The following GTF2I variants were observed in gnomAD, a reference collection of about 807,000 sequenced individuals.
The protein encoded by GTF2I is general transcription factor II-I.
GTF2I carries 12 observed loss-of-function variants against 67.6 expected under a neutral mutation model. The ratio of observed to expected loss-of-function variants is 0.18; its 90% CI spans 0.11 to 0.29. GTF2I has a LOEUF of 0.29. GTF2I is among the 10% of genes least tolerant of loss of function. The pLI is 1.00. For synonymous variants in GTF2I, 149 were observed against 197.0 expected, an observed-to-expected ratio of 0.76 and a Z score of 2.04; for missense variants, 271 against 580.1, an observed-to-expected ratio of 0.47 and a Z score of 5.47.
intron 8 of GTF2I, 92 bp from the exon 9 acceptor site, chr7:74,710,940 G>T: frequency 1.6e-6 from 1 of 619,926 alleles, no homozygotes; most frequent in Non-Finnish European, 2.9e-6. Context: ...AATATGCATT[G>T]CTGTATTTAT....
At chr7:74,663,957 G>C (rs1025274633) in intron 1 of GTF2I, among the ~76,000 whole-genome samples, 11 of 152,072 alleles carry the variant, frequency 7.2e-5, no homozygotes, top group Admixed American at 2.0e-4. Flanking sequence ...AGTCTCCTAA[G>C]TAGCTGGGAC....
chr7:74,664,903 C>T (rs1437375550), intron 1 of GTF2I, among the ~76,000 whole-genome samples: 2 of 152,066 alleles, frequency 1.3e-5, no homozygotes, highest in Admixed American at 1.3e-4. Context: ...GCCTGTGCGA[C>T]CTTGGGCATT....
At position 74,716,251 on chromosome 7, in the gene GTF2I, G is replaced by A. The variant is rs189639269; in HGVS notation, c.824-643G>A. 1.3e-3 allele frequency among the ~76,000 whole-genome samples: 203 copies of A among 152,160 alleles called. 3 individuals are homozygous for A. The highest frequency in any genetic ancestry group is 0.012 in the Admixed American group (177 of 15,286). ...ACTTCTGCTCTAGTAGGATGAGCCTGTTCACCTTGTGACTGCCTAACTGAT... is the reference window on the plus strand; with the variant it reads ...ACTTCTGCTCTAGTAGGATGAGCCTATTCACCTTGTGACTGCCTAACTGAT... On this transcript the variant is annotated intron_variant, in intron 10 of 34. Transcript: ENST00000573035.
At chr7:74,685,556 C>A (rs1289915485) in intron 1 of GTF2I, among the ~76,000 whole-genome samples, 1 of 152,096 alleles carries the variant, frequency 6.6e-6, no homozygotes, top group Non-Finnish European at 1.5e-5. Context: ...AACCTGAAGT[C>A]AGAAGTTCCA....
At chr7:74,706,579 G>C (rs1790728997) in intron 8 of GTF2I, 146 bp downstream of exon 8, 1 of 625,782 alleles carries the variant, frequency 1.6e-6, no homozygotes, top group Non-Finnish European at 2.8e-6. Flanking sequence ...GACACTATTT[G>C]TTAATGTTAT....
At chr7:74,708,090 A>G (rs1791001070) in intron 8 of GTF2I, among the ~76,000 whole-genome samples, 1 of 152,154 alleles carries the variant, frequency 6.6e-6, no homozygotes, top group South Asian at 2.1e-4. Flanking sequence ...ACCTGAGGTC[A>G]GGAGTTGGAG....
chr7:74,691,338 C>G (rs1788285799), intron 3 of GTF2I, among the ~76,000 whole-genome samples: 2 of 152,010 alleles, frequency 1.3e-5, no homozygotes, highest in Non-Finnish European at 2.9e-5. Flanking sequence ...TCCCAAGTAG[C>G]TGGGATTACA....
At chr7:74,700,154 T>G in intron 4 of GTF2I, 93 bp from the exon 5 acceptor site, 1 of 1,256,568 alleles carries the variant, frequency 8.0e-7, no homozygotes, top group Non-Finnish European at 1.1e-6. Context: ...TAAAAAATCA[T>G]GGATGCCCTT....
intron 11 of GTF2I, 96 bp downstream of exon 11, chr7:74,717,046 TA>T: frequency 3.4e-6 from 5 of 1,477,910 alleles, no homozygotes; most frequent in South Asian, 1.3e-5. Flanking sequence ...TATTTGGAAA[TA>T]AAAGGTGATT....
intron 5 of GTF2I, 23 bp downstream of exon 5, chr7:74,700,453 AC>A: frequency 6.2e-7 from 1 of 1,612,916 alleles, no homozygotes; most frequent in Non-Finnish European, 8.5e-7. Flanking sequence ...CTCCCTTTGT[AC>A]CCATCAACAG....
intron 1 of GTF2I, among the ~76,000 whole-genome samples, chr7:74,668,290 G>A (rs1445333062): frequency 7.0e-6 from 1 of 142,182 alleles, no homozygotes; most frequent in Non-Finnish European, 1.5e-5. Context: ...AATCCTTCTT[G>A]TGGTTTTTGG....
At chr7:74,713,262 C>T (rs1174016548) in intron 9 of GTF2I, among the ~76,000 whole-genome samples, 1 of 152,154 alleles carries the variant, frequency 6.6e-6, no homozygotes, top group African/African-American at 2.4e-5. Flanking sequence ...AGGAATTGGT[C>T]ACTAAGTTGA....
rs1788254926 is a variant in GTF2I at position 74,691,164 on chromosome 7, T to A, written c.238+53T>A. 3.1e-6 allele frequency: 4 copies of A among 1,285,034 alleles called. No homozygotes were observed. In the East Asian group the frequency reaches 7.0e-5, roughly 23 times the overall value. 79.6% of individuals were successfully genotyped at this position (1,285,034 alleles called of 1,614,324 possible). A position where few individuals can be genotyped will look rare whatever the true frequency, so the allele number is the denominator to read the frequency against. On this transcript the variant is annotated intron_variant, in intron 3 of 34. Coordinates refer to ENST00000573035, the MANE Select transcript of GTF2I (RefSeq NM_032999.4). ...TTTCATTAATTTTAAGCCTAAATAT[T>A]TGTAGGTAAGACAAGTTATATTATT...
intron 16 of GTF2I, among the ~76,000 whole-genome samples, chr7:74,734,440 G>A (rs1206234816): frequency 2.6e-5 from 4 of 150,964 alleles, no homozygotes; most frequent in Non-Finnish European, 5.9e-5. Context: ...TTTGTTTTTT[G>A]AGAGGGAATC....
chr7:74,720,437 C>A (rs894055790), intron 12 of GTF2I, among the ~76,000 whole-genome samples: 1 of 152,094 alleles, frequency 6.6e-6, no homozygotes, highest in Non-Finnish European at 1.5e-5. Context: ...TACAAGAAAT[C>A]TTTTCATACT....
intron 10 of GTF2I, 28 bp downstream of exon 10, chr7:74,714,944 A>C: frequency 7.1e-7 from 1 of 1,416,342 alleles, no homozygotes; most frequent in Non-Finnish European, 9.8e-7. Context: ...CCATTCTCCC[A>C]CATACTGCTT....
At chr7:74,663,634 A>G (rs1272845773) in intron 1 of GTF2I, among the ~76,000 whole-genome samples, 2 of 152,162 alleles carry the variant, frequency 1.3e-5, no homozygotes, top group African/African-American at 4.8e-5. Context: ...ACTGAAAGAA[A>G]GTAGAAAATA....
Position 74,718,958 on chromosome 7 carries a change from C to G in GTF2I, c.943+17C>G, listed in dbSNP as rs1455028191. 2 of 1,398,848 alleles carry G rather than the reference C, an allele frequency of 1.4e-6. No individual in the cohort carries two copies. Among genetic ancestry groups the G allele is most frequent in the African/African-American group, 1.4e-5 (1 of 69,198 alleles). 86.7% of individuals were successfully genotyped at this position (1,398,848 alleles called of 1,614,324 possible). ...CTATTGAAGGTTAGTTATCTAAAAG[C>G]CTTGATTCCAAAGTTTACTTCTGGT... is the stretch of plus-strand genomic sequence containing the variant. On this transcript the variant is annotated intron_variant, in intron 12 of 34. Coordinates refer to ENST00000573035, the MANE Select transcript of GTF2I (RefSeq NM_032999.4).
chr7:74,721,193 C>T (rs1042446536), intron 12 of GTF2I, among the ~76,000 whole-genome samples: 4 of 152,160 alleles, frequency 2.6e-5, no homozygotes, highest in South Asian at 2.1e-4. Flanking sequence ...AGGCATGCGC[C>T]GCCATGCTCG....
Sources: allele counts gnomAD v4.1 joint callset (sites outside exome capture counted in the v4.1 genomes callset), GRCh38; gene constraint gnomAD v4.1.1; transcripts MANE v1.5; gene names NCBI Gene and HGNC (gene_info 2026-07-23, HGNC 2026-07-21).